Variants in CEP350 observed in about 807,000 individuals in gnomAD.
CEP350 encodes centrosomal protein 350.
In CEP350, 126 loss-of-function variants were observed where a neutral mutation model predicts 331.8. The ratio of observed to expected loss-of-function variants is 0.38; its 90% confidence interval spans 0.33 to 0.44. The LOEUF is 0.44. Ranked by LOEUF, CEP350 falls within the 20% of genes least tolerant of loss-of-function variation. CEP350 has a pLI of 1.00. For missense variants in CEP350, 3,406 were observed against 3,634.6 expected (o/e 0.94, Z 1.62); for synonymous variants, 1,200 against 1,259.5 (o/e 0.95, Z 1.00).
At chr1:180,046,855 G>A (rs764552310) in intron 21 of CEP350, among the ~76,000 whole-genome samples, 20 of 152,160 alleles carry the variant, frequency 1.3e-4, no homozygotes, top group South Asian at 2.1e-4. Context: ...TGAATGATTA[G>A]CATATAACTA....
At chr1:180,037,156 T>A in intron 17 of CEP350, 67 bp downstream of exon 17, 1 of 1,387,428 alleles carries the variant, frequency 7.2e-7, no homozygotes, top group Non-Finnish European at 9.6e-7. Flanking sequence ...ATGGTCTTAA[T>A]GATGACTTAA....
chr1:179,962,997 T>C (rs1650744661), intron 1 of CEP350, among the ~76,000 whole-genome samples: 1 of 152,192 alleles, frequency 6.6e-6, no homozygotes, highest in South Asian at 2.1e-4. Context: ...TCTTTAATAA[T>C]AGCAATTCTG....
At chr1:179,977,130 C>T (rs1033786178) in intron 1 of CEP350, among the ~76,000 whole-genome samples, 1 of 152,136 alleles carries the variant, frequency 6.6e-6, no homozygotes, top group Non-Finnish European at 1.5e-5. Context: ...GCTTTTGAGT[C>T]GCTTCCTTAG....
At chr1:180,079,515 TA>T (rs1244049306) in intron 29 of CEP350, among the ~76,000 whole-genome samples, 3 of 151,842 alleles carry the variant, frequency 2.0e-5, no homozygotes, top group Admixed American at 2.0e-4. Context: ...AATATTATGT[TA>T]AAAAATATTT....
intron 1 of CEP350, among the ~76,000 whole-genome samples, chr1:179,961,691 G>C (rs1396387243): frequency 6.6e-6 from 1 of 152,122 alleles, no homozygotes; most frequent in Non-Finnish European, 1.5e-5. Context: ...CTACGCTTTA[G>C]CTTTTATTTT....
At chr1:180,067,983 G>A (rs1658647270) in intron 27 of CEP350, among the ~76,000 whole-genome samples, 1 of 152,178 alleles carries the variant, frequency 6.6e-6, no homozygotes. Flanking sequence ...AAAATCATTT[G>A]AACCTCTGCT....
intron 37 of CEP350, among the ~76,000 whole-genome samples, chr1:180,108,521 G>C (rs907594195): frequency 3.9e-5 from 6 of 152,168 alleles, no homozygotes; most frequent in African/African-American, 1.4e-4. Context: ...GGGGCGGGGT[G>C]GGGGACTAAA....
At chr1:180,072,236 C>T (rs1452860521) in intron 27 of CEP350, among the ~76,000 whole-genome samples, 3 of 152,068 alleles carry the variant, frequency 2.0e-5, no homozygotes, top group Non-Finnish European at 2.9e-5. Context: ...TTAGTTATTT[C>T]GTTCCTCATT....
At position 180,003,327 on chromosome 1, in the gene CEP350, T is replaced by G. The variant is rs1024514826; in HGVS notation, c.1132+40T>G. ...TTCTTATGTTTTGAGTATTTTGTCA[T>G]ACATGCTATCTAATTTATAATATTT... On this transcript the variant is annotated intron_variant, in intron 7 of 37. Coordinates refer to ENST00000367607, the MANE Select transcript of CEP350 (RefSeq NM_014810.5). 14 of 1,235,888 alleles carry G rather than the reference T, an allele frequency of 1.1e-5. No homozygotes were observed. In the African/African-American group the frequency reaches 1.5e-4, roughly 13 times the overall value. 76.6% of individuals were successfully genotyped at this position (1,235,888 alleles called of 1,614,324 possible). A position where few individuals can be genotyped will look rare whatever the true frequency, so the allele number is the denominator to read the frequency against.
chr1:180,057,022 A>G (rs937461289), intron 25 of CEP350, among the ~76,000 whole-genome samples: 3 of 151,516 alleles, frequency 2.0e-5, no homozygotes, highest in Non-Finnish European at 4.4e-5. Flanking sequence ...TTTTCGTTCT[A>G]TAATACCCAA....
chr1:179,988,652 G>A (rs1315265368), intron 3 of CEP350, among the ~76,000 whole-genome samples: 2 of 151,672 alleles, frequency 1.3e-5, no homozygotes, highest in Non-Finnish European at 2.9e-5. Context: ...GTGATGCATA[G>A]TTCATTCAAA....
intron 37 of CEP350, among the ~76,000 whole-genome samples, chr1:180,104,845 C>T (rs1661055197): frequency 6.6e-6 from 1 of 152,168 alleles, no homozygotes; most frequent in Admixed American, 6.5e-5. Flanking sequence ...CCACCTGATA[C>T]AGCATTCTTG....
chr1:179,996,800 A>G lies in CEP350; in HGVS notation c.643A>G (p.Met215Val), dbSNP rs1653486178. The G allele has an allele frequency of 1.9e-6, 3 of 1,613,744 alleles. No homozygotes were observed. Among genetic ancestry groups the G allele is most frequent in the Non-Finnish European group, 2.5e-6 (3 of 1,179,700 alleles). Reference protein sequence around the residue: ...ALQNSECLIRMGASMRTEEEM... With the variant: ...ALQNSECLIRVGASMRTEEEM... Reference sequence around the variant, plus strand: ...GCAAAATTCTGAATGTTTGATTAGGATGGGAGCTTCTATGAGAACTGAGGA... The same window carrying G: ...GCAAAATTCTGAATGTTTGATTAGGGTGGGAGCTTCTATGAGAACTGAGGA... Residue 215 changes from methionine (M) to valine (V), a missense_variant, in exon 6 of 38, where the codon ATG (methionine) becomes GTG (valine). Coordinates refer to ENST00000367607, the MANE Select transcript of CEP350 (RefSeq NM_014810.5).
In CEP350 at chr1:180,037,413, T is replaced by G. The variant is rs1219198302; in HGVS notation, c.4110+324T>G. Among the ~76,000 whole-genome samples, 394 of 142,802 alleles carry G rather than the reference T, an allele frequency of 2.8e-3. 2 individuals carry two copies. The highest frequency in any genetic ancestry group is 4.2e-3 in the African/African-American group (159 of 37,832). The allele number at this position is 142,802 out of a possible 152,430, so 93.7% of individuals were successfully genotyped here. On this transcript the variant is annotated intron_variant, in intron 17 of 37. Transcript: ENST00000367607. ...TGATAGGTGAGAGAATACTGAGGGT[T>G]TTTTTTTTTTTTTTTAAGTTCTATT... is the stretch of plus-strand genomic sequence containing the variant.
At chr1:180,017,814 A>T (rs984922573) in intron 11 of CEP350, among the ~76,000 whole-genome samples, 1 of 152,188 alleles carries the variant, frequency 6.6e-6, no homozygotes, top group East Asian at 1.9e-4. Context: ...TCCAGGTTTC[A>T]TATCTCACCT....
intron 1 of CEP350, among the ~76,000 whole-genome samples, chr1:179,955,570 G>A (rs945765827): frequency 6.6e-6 from 1 of 152,188 alleles, no homozygotes; most frequent in Non-Finnish European, 1.5e-5. Context: ...CAAGTATAGG[G>A]AAAACTTTGA....
In CEP350 at chr1:180,098,840, GTGT is replaced by G; in HGVS notation, c.9067-22_9067-20del. The G allele has an allele frequency of 6.2e-7, 1 of 1,602,302 alleles. No individual in the cohort carries two copies. On this transcript the variant is annotated intron_variant, in intron 36 of 37. Coordinates refer to ENST00000367607, the MANE Select transcript of CEP350 (RefSeq NM_014810.5). ...CAGGAATTTCTGTTGTTTGTGTTTC[GTGT>G]ATTTGTCTTGTTTCCACAGAGCTTC...
rs1423290383 is a variant in CEP350 at position 180,111,075 on chromosome 1, G to A, written c.9268G>A (p.Asp3090Asn). 10 of 1,613,986 alleles carry A rather than the reference G, an allele frequency of 6.2e-6. No individual in the cohort carries two copies. The highest frequency in any genetic ancestry group is 1.6e-4 in the Middle Eastern group (1 of 6,062). The change falls in exon 38 of 38, where the codon GAC becomes AAC. Residue 3090 changes from aspartate to asparagine, a missense_variant. Transcript: ENST00000367607. ...DELCVKMQLA[D>N]GIFETLIKDT... ...GTTGTGTGTGAAAATGCAGCTAGCC[G>A]ACGGGATCTTTGAGACCCTGATCAA...
chr1:180,063,623 G>A (rs1322985144), intron 26 of CEP350, among the ~76,000 whole-genome samples: 1 of 151,370 alleles, frequency 6.6e-6, no homozygotes, highest in East Asian at 2.0e-4. Flanking sequence ...ACCAGCCTGG[G>A]CAACAGGGCG....
Sources: gnomAD v4.1 joint callset for allele counts (sites outside exome capture counted in the v4.1 genomes callset) on GRCh38, gnomAD v4.1.1 for gene constraint, MANE v1.5 for transcripts, NCBI Gene and HGNC (gene_info 2026-07-23, HGNC 2026-07-21) for gene names.